Variants in CHRNA6 observed in about 807,000 individuals in gnomAD.
The protein encoded by CHRNA6 is cholinergic receptor nicotinic alpha 6 subunit.
Under a neutral mutation model 40.9 loss-of-function variants are expected in CHRNA6, and 31 were observed. That is an observed-to-expected ratio of 0.76 (90% confidence interval 0.57 to 1.02). CHRNA6 has a LOEUF of 1.02. Among genes scored for constraint, CHRNA6 ranks in the 50% least tolerant of loss-of-function variants. The probability of loss-of-function intolerance (pLI) is 0.00; values close to 1 mark genes in which losing one functional copy is unlikely to be tolerated. For synonymous variants in CHRNA6, 222 were observed against 221.3 expected (o/e 1.00, Z -0.03); for missense variants, 546 against 596.6 (o/e 0.92, Z 0.88).
At chr8:42,759,381 G>A in intron 2 of CHRNA6, 2 of 416,020 alleles carry the variant, frequency 4.8e-6, no homozygotes, top group Non-Finnish European at 9.0e-6. Context: ...AAGTGCTTCC[G>A]ATCTCTGCAG....
chr8:42,753,567 A>G (rs7004108), intron 5 of CHRNA6, among the ~76,000 whole-genome samples: 54,057 of 152,158 alleles, frequency 0.36, 13,862 homozygotes, highest in African/African-American at 0.73. Context: ...CTAGCTACTC[A>G]GGAGTCTGAG....
At chr8:42,768,238 C>T (rs936703736) in intron 1 of CHRNA6, 114 bp downstream of exon 1, 4 of 772,242 alleles carry the variant, frequency 5.2e-6, no homozygotes, top group Non-Finnish European at 8.6e-6. Context: ...AGTGGTGGCT[C>T]CTATGCAGAC....
intron 5 of CHRNA6, among the ~76,000 whole-genome samples, chr8:42,754,233 G>A (rs1816760611): frequency 6.6e-6 from 1 of 152,062 alleles, no homozygotes; most frequent in African/African-American, 2.4e-5. Context: ...AGGCTGAAGT[G>A]CAGTGGTGCG....
chr8:42,754,421 G>A (rs764240318), intron 5 of CHRNA6, among the ~76,000 whole-genome samples: 6 of 152,064 alleles, frequency 3.9e-5, no homozygotes, highest in Admixed American at 2.0e-4. Flanking sequence ...CAATTCTCCC[G>A]TCTTGGCCTC....
intron 5 of CHRNA6, among the ~76,000 whole-genome samples, chr8:42,755,114 G>C (rs1257683190): frequency 6.7e-6 from 1 of 149,554 alleles, no homozygotes; most frequent in Non-Finnish European, 1.5e-5. Context: ...AACCTCCTGG[G>C]CTCAAGCAAT....
chr8:42,763,490 C>T (rs368712612), intron 2 of CHRNA6, among the ~76,000 whole-genome samples: 44 of 152,310 alleles, frequency 2.9e-4, no homozygotes, highest in African/African-American at 1.0e-3. Context: ...AGCCCTTTCA[C>T]CCCCATCTTC....
rs373535041 is a variant in CHRNA6, at chr8:42,756,191, T to G, written c.1008A>C (p.Thr336=). 6 of 1,614,072 alleles carry G rather than the reference T, an allele frequency of 3.7e-6. No homozygotes were observed. Among genetic ancestry groups the G allele is most frequent in the African/African-American group, 1.3e-5 (1 of 74,924 alleles). The change falls in exon 5 of 6, where the codon ACA becomes ACC. Residue 336 remains threonine, a synonymous_variant. Coordinates refer to ENST00000276410, the MANE Select transcript of CHRNA6 (RefSeq NM_004198.3). ...NIHYRTPTTH[T]MPRWVKTVFL... ...AAACTGTCTTCACCCACCTGGGCATTGTGTGCGTGGTTGGGGTGCGGTAGT... is the reference window on the plus strand; with the variant it reads ...AAACTGTCTTCACCCACCTGGGCATGGTGTGCGTGGTTGGGGTGCGGTAGT...
intron 1 of CHRNA6, among the ~76,000 whole-genome samples, chr8:42,767,401 C>T (rs1341978529): frequency 6.6e-6 from 1 of 152,200 alleles, no homozygotes; most frequent in Non-Finnish European, 1.5e-5. Context: ...TACTTTTCCT[C>T]ATTTGACATA....
intron 5 of CHRNA6, among the ~76,000 whole-genome samples, chr8:42,755,343 G>A (rs1207601012): frequency 1.3e-5 from 2 of 151,930 alleles, no homozygotes; most frequent in Non-Finnish European, 1.5e-5. Context: ...GGGGCGCCAT[G>A]TCAGCTCACT....
chr8:42,760,563 CA>C (rs1462400974), intron 2 of CHRNA6, among the ~76,000 whole-genome samples: 1 of 151,792 alleles, frequency 6.6e-6, no homozygotes, highest in Non-Finnish European at 1.5e-5. Context: ...GGCACACTCA[CA>C]CAGTCATACA....
chr8:42,762,514 T>A (rs1816918511), intron 2 of CHRNA6, among the ~76,000 whole-genome samples: 1 of 152,150 alleles, frequency 6.6e-6, no homozygotes, highest in African/African-American at 2.4e-5. Context: ...CCGGGCATAG[T>A]GGCACATGCC....
chr8:42,756,710 G>T lies in CHRNA6; in HGVS notation c.489C>A (p.Thr163=). The change falls in exon 5 of 6, where the codon ACC becomes ACA. Residue 163 remains threonine, a synonymous_variant. Coordinates refer to ENST00000276410, the MANE Select transcript of CHRNA6 (RefSeq NM_004198.3). ...IFKSSCPMDI[T]FFPFDHQNCS... ...AGTTTTGATGATCAAAAGGGAAAAA[G>T]GTGATATCCATAGGGCAGGAACTCT... 1.9e-6 allele frequency: 3 copies of T among 1,614,142 alleles called. No individual in the cohort carries two copies. Among genetic ancestry groups the T allele is most frequent in the Non-Finnish European group, 2.5e-6 (3 of 1,180,026 alleles).
Position 42,765,122 on chromosome 8 carries a change from G to T in CHRNA6, c.162C>A (p.Asn54Lys). The T allele has an allele frequency of 6.2e-7, 1 of 1,614,178 alleles. No homozygotes were observed. The highest frequency in any genetic ancestry group is 8.5e-7 in the Non-Finnish European group (1 of 1,180,012). ...HYNQFIRPVENVSDPVTVHFE... is the reference protein window; with the variant it reads ...HYNQFIRPVEKVSDPVTVHFE... ...AGTGTACCGTGACAGGGTCGGAAACGTTTTCCACAGGCCTGATGAACTGGT... is the reference window on the plus strand; with the variant it reads ...AGTGTACCGTGACAGGGTCGGAAACTTTTTCCACAGGCCTGATGAACTGGT... Residue 54 changes from asparagine (N) to lysine (K), a missense_variant, in exon 2 of 6, where the codon AAC becomes AAA. This residue lies in a region of CHRNA6 where 476 missense variants were observed against 494.5 expected (regional missense o/e 0.96). Coordinates refer to ENST00000276410, the MANE Select transcript of CHRNA6 (RefSeq NM_004198.3).
At chr8:42,759,409 T>C in intron 2 of CHRNA6, 1 of 300,418 alleles carries the variant, frequency 3.3e-6, no homozygotes, top group South Asian at 5.3e-5. Flanking sequence ...AGGTTTCTAG[T>C]TCCATGAAAG....
At position 42,756,204 on chromosome 8, in the gene CHRNA6, G is replaced by A. The variant is rs778753253; in HGVS notation, c.995C>T (p.Pro332Leu). The change falls in exon 5 of 6, where the codon CCA (proline) becomes CTA (leucine). Residue 332 changes from proline to leucine, a missense_variant. By Grantham distance (98) the Pro-to-Leu change is moderately conservative. Coordinates refer to ENST00000276410, the MANE Select transcript of CHRNA6 (RefSeq NM_004198.3). ...VFVLNIHYRT[P>L]TTHTMPRWVK... is the part of the protein sequence containing the mutation. ...CCACCTGGGCATTGTGTGCGTGGTT[G>A]GGGTGCGGTAGTGTATGTTCAACAC... The A allele has an allele frequency of 6.2e-7, 1 of 1,614,116 alleles. No homozygotes were observed.
intron 2 of CHRNA6, chr8:42,759,368 G>A: frequency 2.2e-6 from 1 of 453,016 alleles, no homozygotes; most frequent in South Asian, 2.5e-5. Context: ...CACCTCTTCT[G>A]TGAAGTGCTT....
Position 42,757,056 on chromosome 8 carries a change from A to G in CHRNA6, c.265-19T>C. On this transcript the variant is annotated intron_variant, in intron 3 of 5. Coordinates refer to ENST00000276410, the MANE Select transcript of CHRNA6 (RefSeq NM_004198.3). ...TCCAGATCTAAAATAAATAGAAATC[A>G]GCTTTTAAAATTTCTTAATAACTTT... The G allele has an allele frequency of 6.4e-7, 1 of 1,573,446 alleles. No homozygotes were observed. The highest frequency in any genetic ancestry group is 1.3e-5 in the African/African-American group (1 of 74,174).
At position 42,765,082 on chromosome 8, in the gene CHRNA6, T is replaced by A. The variant is rs1213455048; in HGVS notation, c.202A>T (p.Thr68Ser). The change falls in exon 2 of 6, where the codon ACC becomes TCC. Residue 68 changes from threonine to serine, a missense_variant. Transcript: ENST00000276410. ...GCACTCACCACGTTGGCCAGCTGGG[T>A]GATGGCCACTTCAAAGTGTACCGTG... ...PVTVHFEVAI[T>S]QLANVDEVNQ... 6.2e-7 allele frequency: 1 copy of A among 1,614,126 alleles called. No individual in the cohort carries two copies. The highest frequency in any genetic ancestry group is 2.2e-5 in the East Asian group (1 of 44,882).
intron 1 of CHRNA6, among the ~76,000 whole-genome samples, chr8:42,765,756 G>C (rs932025835): frequency 6.6e-6 from 1 of 152,160 alleles, no homozygotes; most frequent in Non-Finnish European, 1.5e-5. Context: ...AATCAACTTT[G>C]AGGACATGAA....
Sources: allele counts gnomAD v4.1 joint callset (sites outside exome capture counted in the v4.1 genomes callset), GRCh38; gene constraint gnomAD v4.1.1; regional missense constraint gnomAD v4.1.1; transcripts MANE v1.5; gene names NCBI Gene and HGNC (gene_info 2026-07-23, HGNC 2026-07-21).